The following NLGN4X variants were observed in gnomAD, a reference collection of about 807,000 sequenced individuals.
The protein encoded by NLGN4X is neuroligin-4, X-linked.
Under a neutral mutation model 40.3 loss-of-function variants are expected in NLGN4X, and 3 were observed. The observed-to-expected ratio is 0.07, with a 90% CI of 0.03 to 0.19. The LOEUF is 0.19. Ranked by LOEUF, NLGN4X falls within the 10% of genes least tolerant of loss-of-function variation. NLGN4X has a pLI of 1.00. For missense variants in NLGN4X, 382 were observed against 708.3 expected (o/e 0.54, Z 5.23); for synonymous variants, 270 against 306.8 (o/e 0.88, Z 1.25).
intron 2 of NLGN4X, among the ~76,000 whole-genome samples, chrX:6,121,772 C>G (rs2039429404): frequency 8.9e-6 from 1 of 112,633 alleles, no homozygotes; most frequent in African/African-American, 3.2e-5. Context: ...CCTGGACAGA[C>G]AGATGGCAGT....
intron 3 of NLGN4X, among the ~76,000 whole-genome samples, chrX:5,924,403 G>T (rs1601893636): frequency 9.2e-6 from 1 of 108,314 alleles, no homozygotes; most frequent in Admixed American, 9.8e-5. Context: ...CATTTAAATA[G>T]AAACTTCAAA....
In NLGN4X at chrX:6,208,904, C is replaced by T. The variant is rs190133537; in HGVS notation, c.-306+19637G>A. Among the ~76,000 whole-genome samples the T allele has an allele frequency of 2.1e-3, 236 of 112,053 alleles. 2 individuals carry two copies. Among genetic ancestry groups the T allele is most frequent in the African/African-American group, 7.4e-3 (227 of 30,877 alleles). On this transcript the variant is annotated intron_variant, in intron 1 of 5. Transcript: ENST00000381095. The stretch of plus-strand genomic sequence containing the variant: ...GGTATCTACGCAAATAAAAAGAAAT[C>T]GCTATGTCAAAAGGATACCTGCACG...
Position 6,056,845 on chromosome X carries a change from AGAAG to A in NLGN4X, c.473-27417_473-27414del, listed in dbSNP as rs763354224. On this transcript the variant is annotated intron_variant, in intron 2 of 5. Transcript: ENST00000381095. ...AGAACATTTCCTAAGTCACCAGGAA[AGAAG>A]GAAGAAAAGCATCAATTGACAAAAA... Among the ~76,000 whole-genome samples the A allele has an allele frequency of 2.7e-5, 3 of 112,331 alleles. No homozygotes were observed. The South Asian group carries it at 1.1e-3, about 41-fold the overall frequency.
Position 5,890,105 on chromosome X carries a change from G to C in NLGN4X, c.*2712C>G, listed in dbSNP as rs976516252. On this transcript the variant is annotated 3_prime_UTR_variant, in exon 6 of 6. Transcript: ENST00000381095. ...CTGAAAAGTTTATACATATGTGTCCGGCCATATATATCTTCTATCATTACT... is the reference window on the plus strand; with the variant it reads ...CTGAAAAGTTTATACATATGTGTCCCGCCATATATATCTTCTATCATTACT... 4.6e-6 allele frequency: 1 copy of C among 218,673 alleles called. No individual in the cohort carries two copies. Among genetic ancestry groups the C allele is most frequent in the Admixed American group, 6.4e-5 (1 of 15,736 alleles). 18.0% of individuals were successfully genotyped at this position (218,673 alleles called of 1,213,427 possible). A position where few individuals can be genotyped will look rare whatever the true frequency, so the allele number is the denominator to read the frequency against.
At chrX:6,102,872 A>G (rs1305335743) in intron 2 of NLGN4X, among the ~76,000 whole-genome samples, 1 of 111,575 alleles carries the variant, frequency 9.0e-6, no homozygotes, top group African/African-American at 3.3e-5. Flanking sequence ...CTTCACATGT[A>G]GAGACACTAC....
At chrX:6,125,868 T>C (rs1432904564) in intron 2 of NLGN4X, among the ~76,000 whole-genome samples, 1 of 111,300 alleles carries the variant, frequency 9.0e-6, no homozygotes, top group Non-Finnish European at 1.9e-5. Flanking sequence ...TAAATCAAAT[T>C]CATTTATGAA....
At chrX:6,110,351 A>T (rs909585191) in intron 2 of NLGN4X, among the ~76,000 whole-genome samples, 35 of 110,767 alleles carry the variant, frequency 3.2e-4, no homozygotes, top group Non-Finnish European at 1.3e-4. Flanking sequence ...GCTCCCACTC[A>T]CAGACAGTAA....
At chrX:5,949,817 T>C (rs1009711240) in intron 3 of NLGN4X, among the ~76,000 whole-genome samples, 1 of 111,261 alleles carries the variant, frequency 9.0e-6, no homozygotes, top group Non-Finnish European at 1.9e-5. Flanking sequence ...GATTGGTGCA[T>C]GTGGAAAAAG....
intron 2 of NLGN4X, among the ~76,000 whole-genome samples, chrX:6,072,354 C>T (rs1602175339): frequency 1.8e-5 from 2 of 111,013 alleles, no homozygotes; most frequent in Admixed American, 1.9e-4. Flanking sequence ...TTACGTTTTA[C>T]CTGGAATTAT....
chrX:5,962,248 A>C lies in NLGN4X; in HGVS notation c.626-53009T>G, dbSNP rs779287768. Among the ~76,000 whole-genome samples, 3 of 112,340 alleles carry C rather than the reference A, an allele frequency of 2.7e-5. No individual in the cohort carries two copies. The Admixed American group carries it at 2.8e-4, about 11-fold the overall frequency. ...GGATTCTAATAACGCCTAAACCTGC[A>C]GTCTCAAAACATACTCTGTTAAAGA... On this transcript the variant is annotated intron_variant, in intron 3 of 5. Coordinates refer to ENST00000381095, the MANE Select transcript of NLGN4X (RefSeq NM_181332.3).
Position 6,116,391 on chromosome X carries a change from C to CTTTTTTTTTTTTT in NLGN4X, c.472+34591_472+34603dup, listed in dbSNP as rs1157468420. On this transcript the variant is annotated intron_variant, in intron 2 of 5. Transcript: ENST00000381095. ...ACAAGTAGGTATTGAACCTTTCTTT[C>CTTTTTTTTTTTTT]TTTTTTTTTTTTTTTTTTTTTTTTT... Among the ~76,000 whole-genome samples the CTTTTTTTTTTTTT allele has an allele frequency of 5.8e-4, 13 of 22,279 alleles. 4 individuals carry two copies. Among genetic ancestry groups the CTTTTTTTTTTTTT allele is most frequent in the East Asian group, 1.5e-3 (1 of 665 alleles). The allele number at this position is 22,279 out of a possible 115,157, so 19.3% of individuals were successfully genotyped here. A position where few individuals can be genotyped will look rare whatever the true frequency, so the allele number is the denominator to read the frequency against.
At position 6,003,470 on chromosome X, in the gene NLGN4X, G is replaced by A. The variant is rs763210321; in HGVS notation, c.625+25810C>T. Among the ~76,000 whole-genome samples the A allele has an allele frequency of 6.2e-5, 7 of 112,223 alleles. No individual in the cohort carries two copies. In the East Asian group the frequency reaches 8.5e-4, roughly 14 times the overall value. Reference sequence around the variant, plus strand: ...ACTTTTTAGATAAAACAGAATACTTGAAGTCATTAGTTACAGAGAACAGGA... The same window carrying A: ...ACTTTTTAGATAAAACAGAATACTTAAAGTCATTAGTTACAGAGAACAGGA... On this transcript the variant is annotated intron_variant, in intron 3 of 5. Coordinates refer to ENST00000381095, the MANE Select transcript of NLGN4X (RefSeq NM_181332.3).
At chrX:6,069,283 G>A (rs1464847809) in intron 2 of NLGN4X, among the ~76,000 whole-genome samples, 36 of 34,623 alleles carry the variant, frequency 1.0e-3, no homozygotes, top group African/African-American at 3.1e-3. Context: ...GCAAGACTCC[G>A]TCTCAAAAAA....
intron 2 of NLGN4X, among the ~76,000 whole-genome samples, chrX:6,122,395 T>C (rs1386826958): frequency 9.0e-6 from 1 of 111,128 alleles, no homozygotes; most frequent in Non-Finnish European, 1.9e-5. Flanking sequence ...CATGCCTCCA[T>C]GCCCAGGTAA....
At chrX:6,193,324 G>C (rs372181459) in intron 1 of NLGN4X, among the ~76,000 whole-genome samples, 12 of 108,208 alleles carry the variant, frequency 1.1e-4, no homozygotes, top group African/African-American at 4.1e-4. Context: ...CAAGAGAATG[G>C]CGTGAACCCG....
intron 2 of NLGN4X, among the ~76,000 whole-genome samples, chrX:6,097,621 C>T (rs939834333): frequency 2.7e-5 from 3 of 111,558 alleles, no homozygotes; most frequent in African/African-American, 9.8e-5. Flanking sequence ...AGAAATAGAT[C>T]GAATGTATTC....
intron 3 of NLGN4X, among the ~76,000 whole-genome samples, chrX:6,012,754 G>A (rs1370207547): frequency 9.0e-6 from 1 of 111,322 alleles, no homozygotes; most frequent in Non-Finnish European, 1.9e-5. Context: ...ACAGCCTTGG[G>A]AAGATAGAGA....
intron 3 of NLGN4X, among the ~76,000 whole-genome samples, chrX:6,014,189 A>AG (rs1491016191): frequency 3.9e-5 from 4 of 102,815 alleles, no homozygotes; most frequent in East Asian, 3.0e-4. Context: ...TCAGAGAGAG[A>AG]AAAAAAAAAA....
At chrX:5,954,566 C>T (rs2034422658) in intron 3 of NLGN4X, among the ~76,000 whole-genome samples, 1 of 107,510 alleles carries the variant, frequency 9.3e-6, no homozygotes, top group African/African-American at 3.4e-5. Context: ...CTAAATGGTT[C>T]ACTAGCATCA....
Sources: gnomAD v4.1 joint callset for allele counts (sites outside exome capture counted in the v4.1 genomes callset) on GRCh38, gnomAD v4.1.1 for gene constraint, MANE v1.5 for transcripts, NCBI Gene and HGNC (gene_info 2026-07-23, HGNC 2026-07-21) for gene names.